Variants in ANKRD44 observed in about 807,000 individuals in gnomAD.
The protein encoded by ANKRD44 is serine/threonine-protein phosphatase 6 regulatory ankyrin repeat subunit B.
ANKRD44 carries 35 observed loss-of-function variants against 116.0 expected under a neutral mutation model. The observed-to-expected ratio is 0.30, with a 90% confidence interval of 0.23 to 0.40. The LOEUF (loss-of-function observed/expected upper bound fraction) is 0.40, where lower values mean the gene tolerates loss of function less well. Ranked by LOEUF, ANKRD44 falls within the 10% of genes least tolerant of loss-of-function variation. The pLI is 1.00. For missense variants in ANKRD44, 1,014 were observed against 1,242.6 expected (o/e 0.82, Z 2.77); for synonymous variants, 435 against 461.8 (o/e 0.94, Z 0.74).
At chr2:197,198,058 G>A (rs1005330262) in intron 1 of ANKRD44, 1 of 152,264 alleles carries the variant, frequency 6.6e-6, no homozygotes, top group Non-Finnish European at 1.5e-5. Flanking sequence ...GAAGACTGGG[G>A]AGGATTTAAA....
intron 8 of ANKRD44, among the ~76,000 whole-genome samples, chr2:197,119,914 C>A (rs751716819): frequency 1.3e-5 from 2 of 152,176 alleles, no homozygotes; most frequent in Non-Finnish European, 2.9e-5. Flanking sequence ...TGTCACATGG[C>A]AAGCTGACAA....
chr2:197,113,606 A>G (rs1279833221), intron 8 of ANKRD44, among the ~76,000 whole-genome samples: 1 of 152,340 alleles, frequency 6.6e-6, no homozygotes, highest in African/African-American at 2.4e-5. Flanking sequence ...GGTGGTAGCT[A>G]TCTAAGTTGC....
At chr2:197,240,884 C>A (rs1219132031) in intron 1 of ANKRD44, among the ~76,000 whole-genome samples, 2 of 151,316 alleles carry the variant, frequency 1.3e-5, no homozygotes, top group South Asian at 4.2e-4. Flanking sequence ...GGAAGTTCTA[C>A]AACAACCCAG....
chr2:197,222,316 AAAACAC>A (rs2081602944), intron 1 of ANKRD44, among the ~76,000 whole-genome samples: 1 of 152,122 alleles, frequency 6.6e-6, no homozygotes, highest in South Asian at 2.1e-4. Context: ...GCCATAGCTG[AAAACAC>A]AAAGGCAGGA....
chr2:197,001,535 G>C (rs1207548658), intron 22 of ANKRD44, among the ~76,000 whole-genome samples: 3 of 152,182 alleles, frequency 2.0e-5, no homozygotes, highest in Admixed American at 2.0e-4. Context: ...GATTTCCCGA[G>C]GGTGGCATCT....
At chr2:196,982,778 A>G (rs1225452160), downstream of ANKRD44, among the ~76,000 whole-genome samples, 1 of 152,218 alleles carries the variant, frequency 6.6e-6, no homozygotes, top group Non-Finnish European at 1.5e-5. Context: ...AGCCAGAGTG[A>G]TCTTTTAAAA....
At chr2:197,041,176 T>G (rs1057457211) in intron 16 of ANKRD44, among the ~76,000 whole-genome samples, 82 of 152,224 alleles carry the variant, frequency 5.4e-4, no homozygotes, top group African/African-American at 1.9e-3. Context: ...AGAGACAGAG[T>G]AGACAGAGCT....
chr2:197,292,256 T>C (rs965052949), intron 1 of ANKRD44, among the ~76,000 whole-genome samples: 1 of 152,224 alleles, frequency 6.6e-6, no homozygotes, highest in Non-Finnish European at 1.5e-5. Flanking sequence ...CCACACTGTC[T>C]TCCACAATGG....
At chr2:197,025,527 C>G (rs547277745) in intron 16 of ANKRD44, among the ~76,000 whole-genome samples, 2 of 152,298 alleles carry the variant, frequency 1.3e-5, no homozygotes, top group East Asian at 3.9e-4. Flanking sequence ...AAATAAGACC[C>G]AGTATTGATT....
chr2:197,086,266 G>A (rs2077920153), intron 13 of ANKRD44, among the ~76,000 whole-genome samples: 1 of 152,076 alleles, frequency 6.6e-6, no homozygotes, highest in Non-Finnish European at 1.5e-5. Context: ...ACCCATTGGT[G>A]GTGTGTGTGC....
At chr2:197,009,719 C>G (rs1354825386) in intron 18 of ANKRD44, among the ~76,000 whole-genome samples, 2 of 152,178 alleles carry the variant, frequency 1.3e-5, no homozygotes, top group African/African-American at 4.8e-5. Flanking sequence ...ATTGTTGCCG[C>G]TGGATCCCCC....
chr2:196,970,102 A>G (rs1337996367), intron 21 of ANKRD44, among the ~76,000 whole-genome samples: 2 of 152,206 alleles, frequency 1.3e-5, no homozygotes, highest in Non-Finnish European at 2.9e-5. Flanking sequence ...CCATGATCCT[A>G]AATTTGTCAT....
At chr2:197,090,077 G>A in intron 10 of ANKRD44, 45 bp from the exon 11 acceptor site, 2 of 1,426,934 alleles carry the variant, frequency 1.4e-6, no homozygotes, top group Non-Finnish European at 2.0e-6. Context: ...CAGATCTCAA[G>A]ATACATGCGG....
intron 1 of ANKRD44, among the ~76,000 whole-genome samples, chr2:197,189,100 C>T (rs1032703308): frequency 6.6e-6 from 1 of 152,156 alleles, no homozygotes; most frequent in African/African-American, 2.4e-5. Context: ...GGCTTTCTTA[C>T]AGGTTATGTT....
At chr2:197,215,897 A>T (rs2081431378) in intron 1 of ANKRD44, among the ~76,000 whole-genome samples, 1 of 152,174 alleles carries the variant, frequency 6.6e-6, no homozygotes, top group African/African-American at 2.4e-5. Context: ...AAAATTTATG[A>T]TGCTGTTTCC....
At chr2:197,104,959 A>C (rs965485569) in intron 9 of ANKRD44, among the ~76,000 whole-genome samples, 88 of 152,216 alleles carry the variant, frequency 5.8e-4, no homozygotes, top group African/African-American at 2.1e-3. Context: ...AAGTTTACCC[A>C]TTTGGGGGTC....
At chr2:197,001,687 G>T in intron 22 of ANKRD44, 66 bp downstream of exon 22, 1 of 1,263,682 alleles carries the variant, frequency 7.9e-7, no homozygotes, top group Non-Finnish European at 1.1e-6. Flanking sequence ...TCCCTACAAA[G>T]CAACTTTTCT....
In ANKRD44 at chr2:197,125,407, C is replaced by T. The variant is rs762390824; in HGVS notation, c.524G>A (p.Arg175His). 1.3e-5 allele frequency: 21 copies of T among 1,614,074 alleles called. No homozygotes were observed. The highest frequency in any genetic ancestry group is 6.7e-5 in the Admixed American group (4 of 60,012). The change falls in exon 6 of 28, where the codon CGT becomes CAT. Residue 175 changes from arginine (R) to histidine (H), a missense_variant. By Grantham distance (29) the Arg-to-His change is conservative (BLOSUM62 0). Coordinates refer to ENST00000282272, the MANE Select transcript of ANKRD44 (RefSeq NM_001195144.2). ...NINAFDKKDR[R>H]ALHWAAYMGH... Reference sequence around the variant, plus strand: ...CATGTATGCTGCCCAGTGCAGAGCACGCCGGTCCTTCTTGTCAAATGCATT... The same window carrying T: ...CATGTATGCTGCCCAGTGCAGAGCATGCCGGTCCTTCTTGTCAAATGCATT...
intron 16 of ANKRD44, among the ~76,000 whole-genome samples, chr2:197,061,929 C>T (rs374539693): frequency 2.0e-5 from 3 of 152,116 alleles, no homozygotes; most frequent in Non-Finnish European, 2.9e-5. Flanking sequence ...TACAGGCATG[C>T]GCCACCACTC....
Sources: allele counts gnomAD v4.1 joint callset (sites outside exome capture counted in the v4.1 genomes callset), GRCh38; gene constraint gnomAD v4.1.1; transcripts MANE v1.5; gene names NCBI Gene and HGNC (gene_info 2026-07-23, HGNC 2026-07-21).